PON3: variants seen among roughly 807,000 people sequenced by gnomAD.
PON3 encodes paraoxonase 3.
In PON3, 37 loss-of-function variants were observed where a neutral mutation model predicts 36.3. The observed-to-expected ratio is 1.02, with a 90% CI of 0.78 to 1.34. The LOEUF (loss-of-function observed/expected upper bound fraction) is 1.34, where lower values mean the gene tolerates loss of function less well. Ranked by LOEUF, PON3 falls within the 40% of genes most tolerant of loss-of-function variation. The pLI is 0.00. For missense variants in PON3, 415 were observed against 426.5 expected (o/e 0.97, Z 0.24); for synonymous variants, 155 against 154.8 (o/e 1.00, Z -0.01).
intron 3 of PON3, among the ~76,000 whole-genome samples, chr7:95,376,132 T>C (rs1025520736): frequency 6.6e-6 from 1 of 152,190 alleles, no homozygotes; most frequent in African/African-American, 2.4e-5. Flanking sequence ...TGAGGGAATA[T>C]TCAAGAGGGA....
At chr7:95,375,316 ATG>A (rs1266737862) in intron 3 of PON3, among the ~76,000 whole-genome samples, 4 of 150,388 alleles carry the variant, frequency 2.7e-5, no homozygotes, top group Admixed American at 6.7e-5. Context: ...ATATATATGT[ATG>A]TGTGTGTATA....
intron 3 of PON3, among the ~76,000 whole-genome samples, chr7:95,379,990 C>T (rs2116403492): frequency 6.6e-6 from 1 of 152,266 alleles, no homozygotes; most frequent in African/African-American, 2.4e-5. Flanking sequence ...GGCCAGGTAC[C>T]CCTCTGAGAC....
At chr7:95,395,770 C>T in intron 1 of PON3, 1 of 172,718 alleles carries the variant, frequency 5.8e-6, no homozygotes, top group South Asian at 1.5e-4. Flanking sequence ...TTACCGCCTG[C>T]AGGTTTCAGC....
intron 3 of PON3, among the ~76,000 whole-genome samples, chr7:95,375,050 C>T (rs1228272160): frequency 1.3e-5 from 2 of 151,962 alleles, no homozygotes; most frequent in African/African-American, 4.8e-5. Context: ...TAGTCAAAAC[C>T]AAAATCAACA....
chr7:95,379,565 C>A (rs181076265), intron 3 of PON3, among the ~76,000 whole-genome samples: 3 of 152,372 alleles, frequency 2.0e-5, no homozygotes, highest in South Asian at 2.1e-4. Context: ...TATTCCGTGC[C>A]TGGCTCGGAG....
intron 4 of PON3, among the ~76,000 whole-genome samples, chr7:95,367,758 T>A (rs1808731135): frequency 6.6e-6 from 1 of 152,214 alleles, no homozygotes; most frequent in African/African-American, 2.4e-5. Flanking sequence ...CACCCTTATA[T>A]GCATAACCTG....
At chr7:95,382,479 GAGA>G (rs1809082229) in intron 3 of PON3, among the ~76,000 whole-genome samples, 1 of 152,072 alleles carries the variant, frequency 6.6e-6, no homozygotes, top group African/African-American at 2.4e-5. Context: ...GAAGAAAAGA[GAGA>G]AGAATCAAAT....
At chr7:95,377,940 T>G in intron 3 of PON3, among the ~76,000 whole-genome samples, 1 of 152,062 alleles carries the variant, frequency 6.6e-6, no homozygotes, top group East Asian at 1.9e-4. Context: ...CTTCAGAGGG[T>G]CAGTAATAAC....
At chr7:95,377,543 C>T (rs113956024) in intron 3 of PON3, 10,138 of 426,062 alleles carry the variant, frequency 0.024, 907 homozygotes, top group African/African-American at 0.19. Flanking sequence ...CTCATACAGG[C>T]GGATGCCCCT....
At chr7:95,386,466 G>T (rs1809192597) in intron 3 of PON3, among the ~76,000 whole-genome samples, 1 of 152,100 alleles carries the variant, frequency 6.6e-6, no homozygotes, top group South Asian at 2.1e-4. Context: ...CCAATAACAG[G>T]CTCTGAAATT....
chr7:95,384,751 G>A (rs1809148440), intron 3 of PON3, among the ~76,000 whole-genome samples: 2 of 152,204 alleles, frequency 1.3e-5, no homozygotes, highest in African/African-American at 4.8e-5. Flanking sequence ...CTGCTGGTGG[G>A]ACTGTAAACT....
intron 3 of PON3, among the ~76,000 whole-genome samples, chr7:95,376,589 A>C (rs1482372412): frequency 6.6e-6 from 1 of 152,164 alleles, no homozygotes; most frequent in Non-Finnish European, 1.5e-5. Flanking sequence ...TTTGTGATGA[A>C]AATATATACT....
Position 95,364,157 on chromosome 7 carries a change from G to A in PON3, c.495-94C>T, listed in dbSNP as rs554403349. The A allele has an allele frequency of 2.0e-4, 196 of 986,444 alleles. 1 individual carries two copies. The highest frequency in any genetic ancestry group is 5.6e-4 in the Middle Eastern group (2 of 3,570). The allele number at this position is 986,444 out of a possible 1,614,324, so 61.1% of individuals were successfully genotyped here. A position where few individuals can be genotyped will look rare whatever the true frequency, so the allele number is the denominator to read the frequency against. ...CACTCATCTCTACATAGACTAATAC[G>A]TTCATCAATTTGAAAAAGGATACAT... On this transcript the variant is annotated intron_variant, in intron 5 of 8. Coordinates refer to ENST00000265627, the MANE Select transcript of PON3 (RefSeq NM_000940.3).
chr7:95,390,162 T>C lies in PON3; in HGVS notation c.193A>G (p.Ile65Val), dbSNP rs1438557581. Residue 65 changes from isoleucine (I) to valine (V), a missense_variant, in exon 3 of 9, where the codon ATC becomes GTC. Physicochemically the swap from Ile to Val is conservative, Grantham distance 29 (BLOSUM62 3). Coordinates refer to ENST00000265627, the MANE Select transcript of PON3 (RefSeq NM_000940.3). ...IDILPSGLAF[I>V]SSGLKYPGMP... ...GCATGGAAAATACTCACACTGGAGATAAAAGCCAGCCCACTAGGAAGTATA... is the reference window on the plus strand; with the variant it reads ...GCATGGAAAATACTCACACTGGAGACAAAAGCCAGCCCACTAGGAAGTATA... 1.2e-6 allele frequency: 2 copies of C among 1,609,686 alleles called. No homozygotes were observed. The highest frequency in any genetic ancestry group is 8.5e-7 in the Non-Finnish European group (1 of 1,176,016).
intron 3 of PON3, among the ~76,000 whole-genome samples, chr7:95,387,061 T>C (rs1809209069): frequency 6.6e-6 from 1 of 152,140 alleles, no homozygotes; most frequent in African/African-American, 2.4e-5. Context: ...AAGCATTCCA[T>C]TTGAAAACCT....
At chr7:95,389,028 T>C (rs932523839) in intron 3 of PON3, among the ~76,000 whole-genome samples, 11 of 152,136 alleles carry the variant, frequency 7.2e-5, no homozygotes, top group Admixed American at 2.0e-4. Context: ...GCATGGCACA[T>C]GTATACCTAT....
At chr7:95,389,369 T>C (rs945899813) in intron 3 of PON3, among the ~76,000 whole-genome samples, 11 of 152,186 alleles carry the variant, frequency 7.2e-5, no homozygotes, top group African/African-American at 2.7e-4. Flanking sequence ...AAAATCCATG[T>C]TCTTTGGTGG....
intron 3 of PON3, among the ~76,000 whole-genome samples, chr7:95,385,005 A>G (rs1158281272): frequency 2.0e-5 from 3 of 152,224 alleles, no homozygotes; most frequent in African/African-American, 7.2e-5. Context: ...CATATACACC[A>G]TGGAATACTA....
At chr7:95,372,083 C>G in intron 4 of PON3, 90 bp downstream of exon 4, 1 of 1,420,218 alleles carries the variant, frequency 7.0e-7, no homozygotes. Flanking sequence ...AGCATCTTCT[C>G]TCTTCCTGTT....
Sources: gnomAD v4.1 joint callset for allele counts (sites outside exome capture counted in the v4.1 genomes callset) on GRCh38, gnomAD v4.1.1 for gene constraint, MANE v1.5 for transcripts, NCBI Gene and HGNC (gene_info 2026-07-23, HGNC 2026-07-21) for gene names.